Variants in GREB1L observed in about 807,000 individuals in gnomAD.
GREB1L encodes GREB1-like protein.
In GREB1L, 17 loss-of-function variants were observed where a neutral mutation model predicts 200.8. The ratio of observed to expected loss-of-function variants is 0.08; its 90% CI spans 0.06 to 0.13. The LOEUF (loss-of-function observed/expected upper bound fraction) is 0.13, where lower values mean the gene tolerates loss of function less well. Ranked by LOEUF, GREB1L falls within the 10% of genes least tolerant of loss-of-function variation. The probability of loss-of-function intolerance (pLI) is 1.00; values close to 1 mark genes in which losing one functional copy is unlikely to be tolerated. For missense variants in GREB1L, 1,657 were observed against 2,367.7 expected (o/e 0.70, Z 6.23); for synonymous variants, 789 against 893.0 (o/e 0.88, Z 2.08).
rs186820626 is a variant in GREB1L, at chr18:21,459,068, A to G, written c.2182+4505A>G. On this transcript the variant is annotated intron_variant, in intron 15 of 32. Transcript: ENST00000424526. ...CGGATCTGGAGGTATCCAGGCAAGG[A>G]AGTTTTATCCTGTCAGGGGAATGAC... Among the ~76,000 whole-genome samples the G allele has an allele frequency of 1.9e-4, 29 of 152,112 alleles. No homozygotes were observed. In the East Asian group the frequency reaches 4.8e-3, roughly 25 times the overall value.
chr18:21,417,339 T>C (rs1425352009), intron 7 of GREB1L, among the ~76,000 whole-genome samples: 2 of 151,886 alleles, frequency 1.3e-5, no homozygotes, highest in African/African-American at 2.4e-5. Context: ...CTGGCCGACA[T>C]GGTGAAACCC....
chr18:21,502,807 C>A (rs979393147), intron 23 of GREB1L, among the ~76,000 whole-genome samples: 35 of 152,346 alleles, frequency 2.3e-4, no homozygotes, highest in African/African-American at 7.0e-4. Flanking sequence ...TCCCGCCAGG[C>A]TCGCTGGCAC....
intron 1 of GREB1L, among the ~76,000 whole-genome samples, chr18:21,356,160 T>C (rs1449669866): frequency 6.6e-6 from 1 of 151,646 alleles, no homozygotes; most frequent in Non-Finnish European, 1.5e-5. Flanking sequence ...TTTTTGTATT[T>C]TTAGTAGAGA....
At chr18:21,382,188 T>C (rs1039059388) in intron 2 of GREB1L, among the ~76,000 whole-genome samples, 2 of 151,862 alleles carry the variant, frequency 1.3e-5, no homozygotes, top group African/African-American at 4.8e-5. Context: ...CTACTAAAAA[T>C]ACGAAAATTA....
At chr18:21,436,139 G>A (rs1450283581) in intron 7 of GREB1L, among the ~76,000 whole-genome samples, 3 of 152,088 alleles carry the variant, frequency 2.0e-5, no homozygotes, top group Non-Finnish European at 4.4e-5. Context: ...GTTCTCCAGT[G>A]GGAGATTGAG....
At chr18:21,441,237 TG>T (rs1249839913) in intron 9 of GREB1L, among the ~76,000 whole-genome samples, 162 bp from the exon 10 acceptor site, 3 of 152,218 alleles carry the variant, frequency 2.0e-5, no homozygotes, top group African/African-American at 4.8e-5. Context: ...TTTCTCCTTT[TG>T]TTTTTTTCAC....
chr18:21,389,412 A>C (rs1287637746), intron 4 of GREB1L, among the ~76,000 whole-genome samples: 3 of 126,358 alleles, frequency 2.4e-5, no homozygotes, highest in Non-Finnish European at 4.7e-5. Flanking sequence ...TTTTTTTTTA[A>C]GGGAAGGAGG....
chr18:21,520,710 C>G lies in GREB1L; in HGVS notation c.5495C>G (p.Ser1832Cys), dbSNP rs1388654694. ...GPEVAICYIS[S>C]RPHSSNVNCE... ...CAGGTGGCCATATGCTATATCAGCT[C>G]CAGACCCCACTCCAGCAATGTCAAC... is the stretch of plus-strand genomic sequence containing the variant. The change falls in exon 32 of 33, where the codon TCC (serine) becomes TGC (cysteine). Residue 1832 changes from serine (S) to cysteine (C), a missense_variant. By Grantham distance (112) the Ser-to-Cys change is moderately radical (BLOSUM62 -1). This residue lies in a region of GREB1L where 190 missense variants were observed against 230.2 expected (regional missense o/e 0.83). Transcript: ENST00000424526. The G allele has an allele frequency of 1.3e-6, 2 of 1,551,612 alleles. No individual in the cohort carries two copies. The highest frequency in any genetic ancestry group is 1.7e-6 in the Non-Finnish European group (2 of 1,146,964).
intron 2 of GREB1L, among the ~76,000 whole-genome samples, chr18:21,371,016 G>A (rs1191878782): frequency 6.6e-6 from 1 of 152,062 alleles, no homozygotes; most frequent in Non-Finnish European, 1.5e-5. Flanking sequence ...AGCCCACGAG[G>A]TGGAGGTTGC....
At chr18:21,404,781 AGTATTTTAAAAGACTTT>A (rs946280433) in intron 7 of GREB1L, among the ~76,000 whole-genome samples, 31 of 152,354 alleles carry the variant, frequency 2.0e-4, no homozygotes, top group African/African-American at 7.5e-4. Flanking sequence ...CAAGAAGGAA[AGTATTTTAAAAGACTTT>A]GTGAATTTGT....
At chr18:21,509,522 T>C (rs2037152037) in intron 27 of GREB1L, among the ~76,000 whole-genome samples, 1 of 152,210 alleles carries the variant, frequency 6.6e-6, no homozygotes, top group Non-Finnish European at 1.5e-5. Context: ...TCTCTCCCAT[T>C]TCTTGTTCCT....
At chr18:21,456,252 G>T (rs1330213547) in intron 15 of GREB1L, among the ~76,000 whole-genome samples, 1 of 152,152 alleles carries the variant, frequency 6.6e-6, no homozygotes, top group Non-Finnish European at 1.5e-5. Flanking sequence ...AGTGTCAGAA[G>T]ACCACACTTT....
intron 1 of GREB1L, among the ~76,000 whole-genome samples, chr18:21,337,363 T>G (rs1225251024): frequency 1.3e-5 from 2 of 152,156 alleles, no homozygotes; most frequent in African/African-American, 4.8e-5. Flanking sequence ...TTTAATTGTG[T>G]TTAGTATTCT....
chr18:21,505,870 T>C lies in GREB1L; in HGVS notation c.4289T>C (p.Leu1430Pro). The change falls in exon 25 of 33, where the codon CTG (leucine) becomes CCG (proline). Residue 1430 changes from leucine (L) to proline (P), a missense_variant. Coordinates refer to ENST00000424526, the MANE Select transcript of GREB1L (RefSeq NM_001142966.3). ...AAACGGGAAACTGTATCCATAATGC[T>C]GACCAAATATGCAGCCTATAACACC... Reference protein sequence around the residue: ...PRKRETVSIMLTKYAAYNTFH... With the variant: ...PRKRETVSIMPTKYAAYNTFH... 6.4e-7 allele frequency: 1 copy of C among 1,552,152 alleles called. No individual in the cohort carries two copies. Among genetic ancestry groups the C allele is most frequent in the Non-Finnish European group, 8.7e-7 (1 of 1,147,012 alleles).
intron 4 of GREB1L, among the ~76,000 whole-genome samples, chr18:21,384,791 G>A (rs1333598436): frequency 1.2e-5 from 1 of 80,312 alleles, no homozygotes; most frequent in Non-Finnish European, 2.4e-5. Flanking sequence ...ATTCCCCCCC[G>A]CCCCCGGCCC....
In GREB1L at chr18:21,383,427, A is replaced by C. The variant is rs575678846; in HGVS notation, c.-9-83A>C. On this transcript the variant is annotated intron_variant, in intron 2 of 32. Transcript: ENST00000424526. ...TAACAAGATATATGGACATAGTTTA[A>C]ATTAGCTCTACCTGTACTTTGAGAC... The C allele has an allele frequency of 1.8e-4, 181 of 1,033,252 alleles. No homozygotes were observed. The African/African-American group carries it at 2.6e-3, about 15-fold the overall frequency. 64.0% of individuals were successfully genotyped at this position (1,033,252 alleles called of 1,614,324 possible). A position where few individuals can be genotyped will look rare whatever the true frequency, so the allele number is the denominator to read the frequency against.
intron 1 of GREB1L, among the ~76,000 whole-genome samples, chr18:21,271,184 T>C (rs1365838982): frequency 6.6e-6 from 1 of 152,220 alleles, no homozygotes; most frequent in Non-Finnish European, 1.5e-5. Context: ...ATATTTCAAA[T>C]TTCATGAACT....
At chr18:21,301,694 G>A (rs1442112837) in intron 1 of GREB1L, among the ~76,000 whole-genome samples, 1 of 152,148 alleles carries the variant, frequency 6.6e-6, no homozygotes, top group African/African-American at 2.4e-5. Flanking sequence ...ATCCTCATCA[G>A]TCTTTTATAG....
At position 21,523,026 on chromosome 18, in the gene GREB1L, T is replaced by G. The variant is rs1011714652; in HGVS notation, c.*205T>G. 5 of 504,786 alleles carry G rather than the reference T, an allele frequency of 9.9e-6. No individual in the cohort carries two copies. Among genetic ancestry groups the G allele is most frequent in the Non-Finnish European group, 1.7e-5 (5 of 288,914 alleles). 31.3% of individuals were successfully genotyped at this position (504,786 alleles called of 1,614,324 possible). A position where few individuals can be genotyped will look rare whatever the true frequency, so the allele number is the denominator to read the frequency against. On this transcript the variant is annotated 3_prime_UTR_variant, in exon 33 of 33. Coordinates refer to ENST00000424526, the MANE Select transcript of GREB1L (RefSeq NM_001142966.3). ...CAGTTCCAATTACAGGACCCTTAAA[T>G]TCAGGTAAACTCTATCCTAGGCAGT...
Sources: gnomAD v4.1 joint callset for allele counts (sites outside exome capture counted in the v4.1 genomes callset) on GRCh38, gnomAD v4.1.1 for gene constraint, gnomAD v4.1.1 regional missense constraint, MANE v1.5 for transcripts, NCBI Gene and HGNC (gene_info 2026-07-23, HGNC 2026-07-21) for gene names.